NDUFS4: variants seen among roughly 807,000 people sequenced by gnomAD.
NDUFS4 encodes NADH dehydrogenase [ubiquinone] iron-sulfur protein 4, mitochondrial.
NDUFS4 carries 28 observed loss-of-function variants against 24.3 expected under a neutral mutation model. That is an observed-to-expected ratio of 1.15 (90% CI 0.85 to 1.58). The LOEUF (loss-of-function observed/expected upper bound fraction) is 1.58, where lower values mean the gene tolerates loss of function less well. NDUFS4 is among the 40% of genes most tolerant of loss of function. The pLI is 0.00. For synonymous variants in NDUFS4, 93 were observed against 69.7 expected, an observed-to-expected ratio of 1.34 and a Z score of -1.67; for missense variants, 223 against 207.9, an observed-to-expected ratio of 1.07 and a Z score of -0.45.
At chr5:53,588,784 A>G (rs524289) in intron 1 of NDUFS4, among the ~76,000 whole-genome samples, 43,517 of 152,004 alleles carry the variant, frequency 0.29, 6,406 homozygotes, top group East Asian at 0.46. Flanking sequence ...CCAAACAATG[A>G]AATATCATGT....
At chr5:53,563,206 G>A (rs1214055177) in intron 1 of NDUFS4, among the ~76,000 whole-genome samples, 1 of 142,004 alleles carries the variant, frequency 7.0e-6, no homozygotes, top group Non-Finnish European at 1.5e-5. Context: ...TCCAGCCTGG[G>A]CAACAGAGCC....
At chr5:53,668,250 C>G (rs1752573044) in intron 4 of NDUFS4, among the ~76,000 whole-genome samples, 2 of 152,080 alleles carry the variant, frequency 1.3e-5, no homozygotes, top group African/African-American at 2.4e-5. Flanking sequence ...ATTTGAGATA[C>G]AGTTGATTAT....
chr5:53,604,286 A>G (rs1232360260), intron 2 of NDUFS4, among the ~76,000 whole-genome samples: 3 of 152,194 alleles, frequency 2.0e-5, no homozygotes, highest in African/African-American at 7.2e-5. Flanking sequence ...ATTATTGTAC[A>G]GTATTTTATC....
intron 1 of NDUFS4, among the ~76,000 whole-genome samples, chr5:53,583,673 A>G (rs930096213): frequency 6.6e-6 from 1 of 152,242 alleles, no homozygotes; most frequent in African/African-American, 2.4e-5. Flanking sequence ...ATAGGAATCA[A>G]CTAGAGTTTA....
intron 4 of NDUFS4, among the ~76,000 whole-genome samples, chr5:53,677,639 C>T (rs373216652): frequency 2.0e-5 from 3 of 152,180 alleles, no homozygotes; most frequent in South Asian, 2.1e-4. Context: ...GGTTATGCTC[C>T]GCTTTCAGCC....
intron 1 of NDUFS4, among the ~76,000 whole-genome samples, chr5:53,574,926 C>A (rs1749334620): frequency 6.6e-6 from 1 of 152,108 alleles, no homozygotes; most frequent in Non-Finnish European, 1.5e-5. Flanking sequence ...GAGAAAAAAA[C>A]AGAAAAGCAA....
At chr5:53,568,093 G>A (rs1269377890) in intron 1 of NDUFS4, among the ~76,000 whole-genome samples, 2 of 152,044 alleles carry the variant, frequency 1.3e-5, no homozygotes, top group African/African-American at 2.4e-5. Context: ...GTTCTATTTT[G>A]TTGTCTGTTA....
intron 3 of NDUFS4, among the ~76,000 whole-genome samples, chr5:53,649,231 G>T (rs1427520307): frequency 1.3e-5 from 2 of 152,036 alleles, no homozygotes; most frequent in Admixed American, 1.3e-4. Context: ...TAGATCCAGG[G>T]TGTACATGTG....
intron 3 of NDUFS4, among the ~76,000 whole-genome samples, chr5:53,652,885 T>C (rs759049018): frequency 6.6e-6 from 1 of 152,158 alleles, no homozygotes; most frequent in African/African-American, 2.4e-5. Context: ...GCATGACTTA[T>C]CCTTGTTTAA....
chr5:53,669,509 C>G (rs556931617), intron 4 of NDUFS4, among the ~76,000 whole-genome samples: 1 of 152,298 alleles, frequency 6.6e-6, no homozygotes, highest in East Asian at 1.9e-4. Flanking sequence ...CCTTCACTTG[C>G]ACCTCCCATC....
At chr5:53,618,453 C>T (rs1363241579) in intron 2 of NDUFS4, among the ~76,000 whole-genome samples, 4 of 152,080 alleles carry the variant, frequency 2.6e-5, no homozygotes, top group African/African-American at 7.2e-5. Context: ...ATCTGCAGTG[C>T]AGGTACTAAG....
chr5:53,638,161 T>C (rs1245360907), intron 2 of NDUFS4, among the ~76,000 whole-genome samples: 1 of 152,096 alleles, frequency 6.6e-6, no homozygotes, highest in Non-Finnish European at 1.5e-5. Flanking sequence ...ATTAATAATA[T>C]ACTCATAGAT....
At chr5:53,611,264 T>A (rs182863585) in intron 2 of NDUFS4, among the ~76,000 whole-genome samples, 246 of 152,018 alleles carry the variant, frequency 1.6e-3, no homozygotes, top group African/African-American at 5.3e-3. Flanking sequence ...ATCTTTTTTT[T>A]AGGCATAAAA....
intron 2 of NDUFS4, among the ~76,000 whole-genome samples, chr5:53,605,349 C>G (rs888814492): frequency 6.6e-6 from 1 of 152,124 alleles, no homozygotes; most frequent in Admixed American, 6.5e-5. Flanking sequence ...TTTTAACTCT[C>G]AGGAGGTTGC....
chr5:53,572,678 C>G (rs573215383), intron 1 of NDUFS4, among the ~76,000 whole-genome samples: 8 of 151,502 alleles, frequency 5.3e-5, no homozygotes, highest in Admixed American at 3.3e-4. Context: ...GAGTCTCGCC[C>G]TGTTGCCCAG....
At chr5:53,619,071 G>A (rs369403544) in intron 2 of NDUFS4, among the ~76,000 whole-genome samples, 8 of 151,656 alleles carry the variant, frequency 5.3e-5, no homozygotes, top group East Asian at 1.9e-4. Flanking sequence ...CTAAGATCGC[G>A]CCACTCTACT....
Position 53,646,393 on chromosome 5 carries a change from G to A in NDUFS4, c.338G>A (p.Gly113Asp). ...GAGCGATGGGAAAATCCTTTGATGG[G>A]TTGGGCATCAACGTGAGTACTTTAT... ...TRERWENPLM[G>D]WASTADPLSN... Residue 113 changes from glycine to aspartate, a missense_variant, in exon 3 of 5, where the codon GGT becomes GAT. Gly to Asp is a moderately conservative substitution (Grantham distance 94, BLOSUM62 -1). Transcript: ENST00000296684. 1.9e-6 allele frequency: 3 copies of A among 1,613,606 alleles called. No homozygotes were observed. Among genetic ancestry groups the A allele is most frequent in the Non-Finnish European group, 2.5e-6 (3 of 1,179,622 alleles).
intron 1 of NDUFS4, among the ~76,000 whole-genome samples, chr5:53,582,142 C>T (rs1034087398): frequency 1.2e-4 from 18 of 151,586 alleles, no homozygotes; most frequent in Admixed American, 1.1e-3. Context: ...ACCCAGGAGG[C>T]GGAGCTTGCA....
chr5:53,579,956 C>T (rs551228490), intron 1 of NDUFS4, among the ~76,000 whole-genome samples: 1 of 152,168 alleles, frequency 6.6e-6, no homozygotes, highest in Non-Finnish European at 1.5e-5. Flanking sequence ...CCTGGAGCCT[C>T]CAGAAGAGTC....
Sources: gnomAD v4.1 joint callset for allele counts (sites outside exome capture counted in the v4.1 genomes callset) on GRCh38, gnomAD v4.1.1 for gene constraint, MANE v1.5 for transcripts, NCBI Gene and HGNC (gene_info 2026-07-23, HGNC 2026-07-21) for gene names.